Variants in GALNT18 observed in about 807,000 individuals in gnomAD.
GALNT18 encodes the protein GalNAc-transferase 18.
A neutral mutation model predicts 69.5 loss-of-function variants in GALNT18; 44 were observed. The observed-to-expected ratio is 0.63, with a 90% CI of 0.50 to 0.81. The LOEUF (loss-of-function observed/expected upper bound fraction) is 0.81, where lower values mean the gene tolerates loss of function less well. Ranked by LOEUF, GALNT18 falls within the 40% of genes least tolerant of loss-of-function variation. The pLI is 0.00. For missense variants in GALNT18, 715 were observed against 810.0 expected, an observed-to-expected ratio of 0.88 and a Z score of 1.42; for synonymous variants, 364 against 318.2, an observed-to-expected ratio of 1.14 and a Z score of -1.53.
At chr11:11,279,906 A>G (rs990045362) in intron 10 of GALNT18, among the ~76,000 whole-genome samples, 1 of 151,782 alleles carries the variant, frequency 6.6e-6, no homozygotes, top group Non-Finnish European at 1.5e-5. Context: ...CAATTGAAAA[A>G]TTGAAATAAA....
At chr11:11,440,431 G>C (rs989302318) in intron 2 of GALNT18, among the ~76,000 whole-genome samples, 2 of 151,748 alleles carry the variant, frequency 1.3e-5, no homozygotes, top group Admixed American at 1.3e-4. Flanking sequence ...AGCTGAGGAA[G>C]GTGGGGCAGG....
chr11:11,456,951 G>A (rs1012586226), intron 1 of GALNT18, among the ~76,000 whole-genome samples: 4 of 152,200 alleles, frequency 2.6e-5, no homozygotes, highest in African/African-American at 9.7e-5. Context: ...AGACAAGTGG[G>A]AAGTGGGGCA....
chr11:11,360,632 A>G (rs1414663849), intron 6 of GALNT18, among the ~76,000 whole-genome samples: 1 of 152,074 alleles, frequency 6.6e-6, no homozygotes, highest in East Asian at 1.9e-4. Context: ...AACACATTTT[A>G]TAATTATGGC....
At chr11:11,319,367 T>C (rs1168727406) in intron 9 of GALNT18, among the ~76,000 whole-genome samples, 1 of 152,228 alleles carries the variant, frequency 6.6e-6, no homozygotes, top group Non-Finnish European at 1.5e-5. Flanking sequence ...GAATAGTCTG[T>C]TGCTAGCACC....
At position 11,590,100 on chromosome 11, in the gene GALNT18, G is replaced by C. The variant is rs868068816; in HGVS notation, c.235+31259C>G. The stretch of plus-strand genomic sequence containing the variant: ...GCAGCATGGTCATGTGGCAGACACT[G>C]CTGTGTGTTCACTAAAACCACCTTC... On this transcript the variant is annotated intron_variant, in intron 1 of 10. Transcript: ENST00000227756. This position sits in a 1 kb window ranked among gnomAD's most constrained non-coding sequence, Gnocchi z 4.4. 6.6e-6 allele frequency among the ~76,000 whole-genome samples: 1 copy of C among 152,256 alleles called. No homozygotes were observed. The highest frequency in any genetic ancestry group is 2.1e-4 in the South Asian group (1 of 4,832).
At chr11:11,281,186 G>A (rs181302455) in intron 10 of GALNT18, among the ~76,000 whole-genome samples, 9 of 152,272 alleles carry the variant, frequency 5.9e-5, no homozygotes, top group South Asian at 2.1e-4. Flanking sequence ...TGGCGTTTCC[G>A]GAGCCAGGTA....
chr11:11,404,094 C>T lies in GALNT18; in HGVS notation c.596-24830G>A, dbSNP rs542298180. ...CAAATGATGAGCGAATGCCCCGCCA[C>T]TTGCTGGCAGCAGGAGGAGAGCATT... is the stretch of plus-strand genomic sequence containing the variant. On this transcript the variant is annotated intron_variant, in intron 3 of 10. Coordinates refer to ENST00000227756, the MANE Select transcript of GALNT18 (RefSeq NM_198516.3). This position sits in a 1 kb window ranked among gnomAD's most constrained non-coding sequence, Gnocchi z 4.5. 6.6e-6 allele frequency among the ~76,000 whole-genome samples: 1 copy of T among 152,346 alleles called. No homozygotes were observed. Among genetic ancestry groups the T allele is most frequent in the African/African-American group, 2.4e-5 (1 of 41,580 alleles).
At chr11:11,391,042 T>A (rs1039323841) in intron 3 of GALNT18, among the ~76,000 whole-genome samples, 7 of 152,296 alleles carry the variant, frequency 4.6e-5, no homozygotes, top group Non-Finnish European at 8.8e-5. Flanking sequence ...CCTTCCTCCT[T>A]TCCAAAGGAA....
intron 6 of GALNT18, among the ~76,000 whole-genome samples, chr11:11,343,939 C>A (rs1170379509): frequency 1.3e-5 from 2 of 152,142 alleles, no homozygotes; most frequent in African/African-American, 2.4e-5. Context: ...TGAATTCACT[C>A]CCCTCTTCCC....
intron 1 of GALNT18, among the ~76,000 whole-genome samples, chr11:11,503,915 C>T (rs1249459020): frequency 6.6e-6 from 1 of 152,224 alleles, no homozygotes; most frequent in Non-Finnish European, 1.5e-5. Context: ...GTTCTCCCTT[C>T]CACCACTACT....
At chr11:11,292,990 A>G (rs190037096) in intron 10 of GALNT18, 39 bp downstream of exon 10, 1 of 1,338,484 alleles carries the variant, frequency 7.5e-7, no homozygotes. Context: ...CTGGTTTTCC[A>G]CGATGGCTGC....
intron 1 of GALNT18, among the ~76,000 whole-genome samples, chr11:11,581,468 T>C (rs1469111561): frequency 6.6e-6 from 1 of 152,028 alleles, no homozygotes; most frequent in Non-Finnish European, 1.5e-5. Context: ...ATTTTTGAGG[T>C]AAACACTGAT....
At position 11,563,032 on chromosome 11, in the gene GALNT18, G is replaced by A. The variant is rs190498676; in HGVS notation, c.235+58327C>T. ...TACAATTTGCCAACTTGGTCCTGAC[G>A]TTTTGTGCTTCATGGCTTCCCTATA... On this transcript the variant is annotated intron_variant, in intron 1 of 10. Coordinates refer to ENST00000227756, the MANE Select transcript of GALNT18 (RefSeq NM_198516.3). The surrounding 1 kb of genome is among the most constrained non-coding windows in gnomAD (Gnocchi z 4.6). 6.8e-4 allele frequency among the ~76,000 whole-genome samples: 103 copies of A among 152,216 alleles called. 1 individual carries two copies. The highest frequency in any genetic ancestry group is 6.1e-3 in the Admixed American group (94 of 15,298).
intron 1 of GALNT18, among the ~76,000 whole-genome samples, chr11:11,550,367 A>T (rs1858159421): frequency 6.6e-6 from 1 of 152,220 alleles, no homozygotes; most frequent in Admixed American, 6.5e-5. Flanking sequence ...CCATTCCCAC[A>T]GTTTTCCAAC....
chr11:11,452,083 A>T (rs1486769440), intron 1 of GALNT18, among the ~76,000 whole-genome samples: 1 of 152,244 alleles, frequency 6.6e-6, no homozygotes, highest in Non-Finnish European at 1.5e-5. Flanking sequence ...TTAAAAACAA[A>T]AAAAAGTGTG....
At chr11:11,412,460 C>T (rs1854753298) in intron 3 of GALNT18, among the ~76,000 whole-genome samples, 1 of 152,182 alleles carries the variant, frequency 6.6e-6, no homozygotes, top group African/African-American at 2.4e-5. Context: ...CACAGGTGCT[C>T]TGTCCATCAT....
intron 2 of GALNT18, among the ~76,000 whole-genome samples, chr11:11,447,546 C>A (rs914070338): frequency 2.6e-5 from 4 of 152,276 alleles, no homozygotes; most frequent in African/African-American, 9.6e-5. Flanking sequence ...GAAGAAATAC[C>A]TGTGACTGGG....
At chr11:11,568,570 C>T (rs1858708226) in intron 1 of GALNT18, among the ~76,000 whole-genome samples, 1 of 152,050 alleles carries the variant, frequency 6.6e-6, no homozygotes, top group African/African-American at 2.4e-5. Flanking sequence ...TAAAAATCAC[C>T]CCCTTTTCCT....
chr11:11,467,908 T>C lies in GALNT18; in HGVS notation c.236-18972A>G, dbSNP rs191253333. ...GTATACAAGAATCCACCTGGTAAGT[T>C]TGTTAAGACTACAGATCACCCCGAG... On this transcript the variant is annotated intron_variant, in intron 1 of 10. Transcript: ENST00000227756. Among the ~76,000 whole-genome samples, 23 of 152,322 alleles carry C rather than the reference T, an allele frequency of 1.5e-4. No individual in the cohort carries two copies. In the East Asian group the frequency reaches 4.2e-3, roughly 28 times the overall value.
Sources: allele counts gnomAD v4.1 joint callset (sites outside exome capture counted in the v4.1 genomes callset), GRCh38; gene constraint gnomAD v4.1.1; non-coding constraint Gnocchi (gnomAD v3.1); transcripts MANE v1.5; gene names NCBI Gene and HGNC (gene_info 2026-07-23, HGNC 2026-07-21).